The following NSD1 variants were observed in gnomAD, a reference collection of about 807,000 sequenced individuals.
NSD1 encodes the protein histone-lysine N-methyltransferase, H3 lysine-36 specific.
NSD1 carries 26 observed loss-of-function variants against 242.7 expected under a neutral mutation model. That is an observed-to-expected ratio of 0.11 (90% CI 0.08 to 0.15). The LOEUF (loss-of-function observed/expected upper bound fraction) is 0.15, where lower values mean the gene tolerates loss of function less well. NSD1 is among the 10% of genes least tolerant of loss of function. NSD1 has a pLI of 1.00. For synonymous variants in NSD1, 1,106 were observed against 1,178.1 expected (o/e 0.94, Z 1.25); for missense variants, 2,495 against 3,272.8 (o/e 0.76, Z 5.80).
intron 2 of NSD1, chr5:177,136,329 T>TA (rs1176817397): frequency 0.057 from 9,981 of 175,984 alleles, 152 homozygotes; most frequent in South Asian, 0.068. Flanking sequence ...CATATATGAT[T>TA]AAAAAAAAAA....
intron 2 of NSD1, among the ~76,000 whole-genome samples, chr5:177,163,580 C>A (rs908585116): frequency 6.6e-6 from 1 of 152,134 alleles, no homozygotes. Context: ...AGTTTTTAAT[C>A]TATAAGGTGT....
chr5:177,225,443 G>A (rs1250596760), intron 5 of NSD1, among the ~76,000 whole-genome samples: 3 of 152,082 alleles, frequency 2.0e-5, no homozygotes, highest in East Asian at 3.9e-4. Flanking sequence ...GTGCCCAGCC[G>A]TCTTAGTCTA....
In NSD1 at chr5:177,295,541, TA is replaced by T. The variant is rs199928842; in HGVS notation, c.*91del. ...GGAAATCTTTTCTTTCTTTCCCCCT[TA>T]AAAAAAAACACATCTGCCCCGAACA... On this transcript the variant is annotated 3_prime_UTR_variant, in exon 23 of 23. Coordinates refer to ENST00000439151, the MANE Select transcript of NSD1 (RefSeq NM_022455.5). The surrounding 1 kb of genome is among the most constrained non-coding windows in gnomAD (Gnocchi z 4.3). 165 of 1,350,138 alleles carry T rather than the reference TA, an allele frequency of 1.2e-4. No homozygotes were observed. Among genetic ancestry groups the T allele is most frequent in the Middle Eastern group, 1.8e-4 (1 of 5,466 alleles). 83.6% of individuals were successfully genotyped at this position (1,350,138 alleles called of 1,614,324 possible).
rs2127260777 is a variant in NSD1, at chr5:177,282,536, T to A, written c.5964T>A (p.Ala1988=). The A allele has an allele frequency of 6.2e-7, 1 of 1,613,778 alleles. No homozygotes were observed. Among genetic ancestry groups the A allele is most frequent in the Non-Finnish European group, 8.5e-7 (1 of 1,179,674 alleles). Residue 1988 remains alanine, a synonymous_variant, in exon 19 of 23, where the codon GCT becomes GCA. Coordinates refer to ENST00000439151, the MANE Select transcript of NSD1 (RefSeq NM_022455.5). ...AATGCAGAGCTCGAATTCGCTATGC[T>A]CAAGAACATGATATCACTAATTTCT... ...EEECRARIRY[A]QEHDITNFYM... is the part of the protein sequence containing the mutation.
At chr5:177,213,637 T>A (rs1490075551) in intron 5 of NSD1, among the ~76,000 whole-genome samples, 2 of 152,074 alleles carry the variant, frequency 1.3e-5, no homozygotes, top group African/African-American at 2.4e-5. Context: ...CCAGCTAATT[T>A]TTTTTTGTAT....
intron 8 of NSD1, 134 bp downstream of exon 8, chr5:177,239,999 T>C (rs1467237016): frequency 1.6e-6 from 1 of 622,684 alleles, no homozygotes; most frequent in East Asian, 2.9e-5. Flanking sequence ...CAGTCATACA[T>C]GATCTGAGAT....
Position 177,290,173 on chromosome 5 carries a change from C to T in NSD1, c.6258+1248C>T, listed in dbSNP as rs564922036. Among the ~76,000 whole-genome samples, 6 of 147,240 alleles carry T rather than the reference C, an allele frequency of 4.1e-5. No homozygotes were observed. In the South Asian group the frequency reaches 1.3e-3, roughly 33 times the overall value. On this transcript the variant is annotated intron_variant, in intron 21 of 22. Coordinates refer to ENST00000439151, the MANE Select transcript of NSD1 (RefSeq NM_022455.5). ...AGTCCTTGCTGATCATTTTTAGTGA[C>T]TGTCTTAATTTTTTTATATAATGGA...
chr5:177,258,793 C>T (rs1380121722), intron 13 of NSD1, among the ~76,000 whole-genome samples: 1 of 152,222 alleles, frequency 6.6e-6, no homozygotes, highest in Non-Finnish European at 1.5e-5. Flanking sequence ...GCCTCAGCCT[C>T]CCAAAGTGCT....
chr5:177,157,809 T>C (rs1758260005), intron 2 of NSD1, among the ~76,000 whole-genome samples: 2 of 152,238 alleles, frequency 1.3e-5, no homozygotes, highest in South Asian at 2.1e-4. Context: ...AATTCATGTT[T>C]CTATGTATTT....
At chr5:177,167,132 T>C (rs1759271010) in intron 2 of NSD1, among the ~76,000 whole-genome samples, 1 of 152,208 alleles carries the variant, frequency 6.6e-6, no homozygotes, top group Non-Finnish European at 1.5e-5. Context: ...GTACCATGTG[T>C]TGAAGAGACT....
Position 177,191,905 on chromosome 5 carries a change from A to C in NSD1, c.949A>C (p.Thr317Pro). The change falls in exon 3 of 23, where the codon ACG becomes CCG. Residue 317 changes from threonine to proline, a missense_variant. Coordinates refer to ENST00000439151, the MANE Select transcript of NSD1 (RefSeq NM_022455.5). ...AAAGTGTCAACCTAAGAAAAAGTCT[A>C]CGCCACTGAAGTATGAAGTTGGAGA... is the stretch of plus-strand genomic sequence containing the variant. ...LPFCQPKKKSTPLKYEVGDLI... is the reference protein window; with the variant it reads ...LPFCQPKKKSPPLKYEVGDLI... 3.1e-6 allele frequency: 5 copies of C among 1,614,140 alleles called. No homozygotes were observed. Among genetic ancestry groups the C allele is most frequent in the Non-Finnish European group, 4.2e-6 (5 of 1,180,004 alleles).
chr5:177,170,396 G>A (rs1759594849), intron 2 of NSD1, among the ~76,000 whole-genome samples: 1 of 151,552 alleles, frequency 6.6e-6, no homozygotes, highest in Admixed American at 6.6e-5. Flanking sequence ...TGTCGCCCAG[G>A]CTGGAGTGCA....
chr5:177,270,767 G>C (rs576358207), intron 16 of NSD1, among the ~76,000 whole-genome samples: 1 of 152,194 alleles, frequency 6.6e-6, no homozygotes, highest in Admixed American at 6.5e-5. Flanking sequence ...GTTAGGGAAT[G>C]GGAGTAATGT....
rs190717223 is a variant in NSD1, at chr5:177,281,717, A to G, written c.5893-748A>G. On this transcript the variant is annotated intron_variant, in intron 18 of 22. Transcript: ENST00000439151. ...GCCCAAACTGGAGCGCACTGGTGCCATCTCCGCTCACTGCAACCTTCAACT... is the reference window on the plus strand; with the variant it reads ...GCCCAAACTGGAGCGCACTGGTGCCGTCTCCGCTCACTGCAACCTTCAACT... 1.9e-3 allele frequency among the ~76,000 whole-genome samples: 291 copies of G among 152,282 alleles called. 1 individual carries two copies. The highest frequency in any genetic ancestry group is 6.7e-3 in the African/African-American group (280 of 41,556).
intron 2 of NSD1, among the ~76,000 whole-genome samples, chr5:177,165,742 G>C (rs1759133987): frequency 6.6e-6 from 1 of 151,940 alleles, no homozygotes; most frequent in Non-Finnish European, 1.5e-5. Context: ...AGGACTACAG[G>C]TGTACACCAC....
In NSD1 at chr5:177,209,675, G is replaced by A. The variant is rs1763177122; in HGVS notation, c.1276G>A (p.Gly426Arg). The change falls in exon 5 of 23, where the codon GGA becomes AGA. Residue 426 changes from glycine to arginine, a missense_variant. Gly to Arg is a moderately radical substitution (Grantham distance 125). Transcript: ENST00000439151. Reference protein sequence around the residue: ...KILSKWEASVGLAEQYDVPKG... With the variant: ...KILSKWEASVRLAEQYDVPKG... ...TTTGAGTAAATGGGAAGCCAGTGTT[G>A]GACTTGCAGAACAGTATGATGTTCC... 3 of 1,613,774 alleles carry A rather than the reference G, an allele frequency of 1.9e-6. No homozygotes were observed. The highest frequency in any genetic ancestry group is 2.5e-6 in the Non-Finnish European group (3 of 1,179,916).
rs114105251 is a variant in NSD1, at chr5:177,220,173, C to T, written c.3796+7978C>T. On this transcript the variant is annotated intron_variant, in intron 5 of 22. Coordinates refer to ENST00000439151, the MANE Select transcript of NSD1 (RefSeq NM_022455.5). ...ATCTCCTTGTGTTACTCTATTTCTCCTTTCAATTCTGTCATTATTTGCTTT... is the reference window on the plus strand; with the variant it reads ...ATCTCCTTGTGTTACTCTATTTCTCTTTTCAATTCTGTCATTATTTGCTTT... Among the ~76,000 whole-genome samples, 295 of 152,158 alleles carry T rather than the reference C, an allele frequency of 1.9e-3. 1 individual carries two copies. Among genetic ancestry groups the T allele is most frequent in the African/African-American group, 6.8e-3 (284 of 41,516 alleles).
chr5:177,200,419 G>C (rs1762428200), intron 3 of NSD1, among the ~76,000 whole-genome samples: 1 of 152,178 alleles, frequency 6.6e-6, no homozygotes, highest in African/African-American at 2.4e-5. Context: ...ACAGGCCTGA[G>C]TCACCTTTCC....
rs955459688 is a variant in NSD1, at chr5:177,146,796, T to C, written c.927+10766T>C. 1.4e-4 allele frequency among the ~76,000 whole-genome samples: 21 copies of C among 151,580 alleles called. 1 individual carries two copies. The East Asian group carries it at 2.8e-3, about 20-fold the overall frequency. On this transcript the variant is annotated intron_variant, in intron 2 of 22. Coordinates refer to ENST00000439151, the MANE Select transcript of NSD1 (RefSeq NM_022455.5). ...AGGCGGCTGGATCACCTGAGGTCAG[T>C]AGTTCGAGACCAGTCTGGCCAACAT...
Sources: allele counts gnomAD v4.1 joint callset (sites outside exome capture counted in the v4.1 genomes callset), GRCh38; gene constraint gnomAD v4.1.1; non-coding constraint Gnocchi (gnomAD v3.1); transcripts MANE v1.5; gene names NCBI Gene and HGNC (gene_info 2026-07-23, HGNC 2026-07-21).